The following ARHGEF10 variants were observed in gnomAD, a reference collection of about 807,000 sequenced individuals.
ARHGEF10 encodes the protein Rho guanine nucleotide exchange factor 10, also known as Rho guanine nucleotide exchange factor (GEF) 10.
A neutral mutation model predicts 147.4 loss-of-function variants in ARHGEF10; 140 were observed. That is an observed-to-expected ratio of 0.95 (90% CI 0.83 to 1.09). The LOEUF (loss-of-function observed/expected upper bound fraction) is 1.09. Among genes scored for constraint, ARHGEF10 ranks in the 50% least tolerant of loss-of-function variants. The pLI, the probability that ARHGEF10 is intolerant of heterozygous loss-of-function variation, is 0.00. For synonymous variants in ARHGEF10, 902 were observed against 695.8 expected (o/e 1.30, Z -4.67); for missense variants, 2,222 against 1,752.7 (o/e 1.27, Z -4.78).
intron 11 of ARHGEF10, among the ~76,000 whole-genome samples, chr8:1,887,442 G>A (rs36058931): frequency 0.13 from 18,813 of 147,242 alleles, 1,584 homozygotes; most frequent in South Asian, 0.29. Flanking sequence ...GGGTCTGTGA[G>A]GAGATACTGA....
intron 14 of ARHGEF10, among the ~76,000 whole-genome samples, chr8:1,897,274 A>G (rs1303110370): frequency 6.6e-6 from 1 of 152,258 alleles, no homozygotes; most frequent in African/African-American, 2.4e-5. Context: ...CTTATCCAGC[A>G]CGGCGGCTCC....
At position 1,876,565 on chromosome 8, in the gene ARHGEF10, A is replaced by T. The variant is rs1363097156; in HGVS notation, c.680-6A>T. ...TTTAATTTCATTTTGGAATTTATGC[A>T]CTCAGATGAAATGATTTATGATGAT... On this transcript the variant is annotated splice_polypyrimidine_tract_variant and splice_region_variant and intron_variant, in intron 7 of 28. Coordinates refer to ENST00000349830, the MANE Select transcript of ARHGEF10 (RefSeq NM_014629.4). 1.2e-6 allele frequency: 2 copies of T among 1,613,814 alleles called. No homozygotes were observed. Among genetic ancestry groups the T allele is most frequent in the South Asian group, 2.2e-5 (2 of 91,084 alleles).
intron 26 of ARHGEF10, chr8:1,943,682 A>G (rs1476614859): frequency 6.6e-6 from 1 of 152,236 alleles, no homozygotes; most frequent in Non-Finnish European, 1.5e-5. Context: ...GAACCAAGTC[A>G]CAAGTCAGTG....
At chr8:1,945,789 T>G in intron 27 of ARHGEF10, 134 bp downstream of exon 27, 2 of 1,350,554 alleles carry the variant, frequency 1.5e-6, no homozygotes, top group Non-Finnish European at 2.1e-6. Flanking sequence ...GGTAATGGGG[T>G]GGGACAAGGC....
In ARHGEF10 at chr8:1,903,424, A is replaced by G; in HGVS notation, c.1794A>G (p.Lys598=). The G allele has an allele frequency of 6.2e-7, 1 of 1,614,238 alleles. No homozygotes were observed. The highest frequency in any genetic ancestry group is 8.5e-7 in the Non-Finnish European group (1 of 1,180,046). The change falls in exon 16 of 29, where the codon AAA becomes AAG. Residue 598 remains lysine (K), a synonymous_variant. Transcript: ENST00000349830. ...GCTGTGAAGTGAAGCAAATAGCCAAAGCCATAAACGAAAGATACCTGAACA... is the reference window on the plus strand; with the variant it reads ...GCTGTGAAGTGAAGCAAATAGCCAAGGCCATAAACGAAAGATACCTGAACA... ...DQRCEVKQIA[K]AINERYLNKL...
chr8:1,862,643 C>T (rs1044408604), intron 4 of ARHGEF10, among the ~76,000 whole-genome samples: 3 of 152,208 alleles, frequency 2.0e-5, no homozygotes, highest in Non-Finnish European at 4.4e-5. Context: ...TCCTGGACAC[C>T]CCCGTGGGGG....
intron 26 of ARHGEF10, among the ~76,000 whole-genome samples, chr8:1,936,483 C>T (rs1339933032): frequency 6.6e-6 from 1 of 152,122 alleles, no homozygotes; most frequent in Non-Finnish European, 1.5e-5. Flanking sequence ...ATACTCCAGC[C>T]TGGGCAACAG....
At chr8:1,923,947 C>A in intron 21 of ARHGEF10, 73 bp downstream of exon 21, 3 of 1,429,508 alleles carry the variant, frequency 2.1e-6, no homozygotes, top group Non-Finnish European at 2.9e-6. Flanking sequence ...AGGGTGAGGT[C>A]AGGGTTGAGA....
intron 23 of ARHGEF10, chr8:1,926,861 T>C: frequency 3.2e-6 from 1 of 310,626 alleles, no homozygotes; most frequent in South Asian, 2.8e-5. Flanking sequence ...AATGAAATAT[T>C]GCATCTGAAA....
intron 11 of ARHGEF10, among the ~76,000 whole-genome samples, chr8:1,893,210 T>C (rs1343740483): frequency 6.6e-6 from 1 of 152,108 alleles, no homozygotes; most frequent in East Asian, 1.9e-4. Context: ...AGACTGGAAC[T>C]ATTTTTTATC....
chr8:1,949,806 T>C (rs1229278168), intron 27 of ARHGEF10, among the ~76,000 whole-genome samples: 1 of 152,148 alleles, frequency 6.6e-6, no homozygotes, highest in African/African-American at 2.4e-5. Flanking sequence ...CCTTTCTCGG[T>C]GGCCGGTGTG....
chr8:1,835,155 C>G (rs1389523696), intron 1 of ARHGEF10, among the ~76,000 whole-genome samples: 1 of 152,248 alleles, frequency 6.6e-6, no homozygotes, highest in Non-Finnish European at 1.5e-5. Flanking sequence ...GCCTGCCGCC[C>G]CCACCTTTGC....
At chr8:1,907,520 C>T (rs572678509) in intron 17 of ARHGEF10, among the ~76,000 whole-genome samples, 1 of 152,360 alleles carries the variant, frequency 6.6e-6, no homozygotes, top group African/African-American at 2.4e-5. Context: ...TTGTCTGACA[C>T]TGACTGCTGC....
chr8:1,928,786 A>G, intron 24 of ARHGEF10, 136 bp downstream of exon 24: 2 of 930,818 alleles, frequency 2.1e-6, no homozygotes, highest in Non-Finnish European at 3.4e-6. Context: ...TACCAGGGGA[A>G]ATTTTTAGGG....
At chr8:1,853,456 C>T (rs1805302940) in intron 2 of ARHGEF10, among the ~76,000 whole-genome samples, 1 of 152,272 alleles carries the variant, frequency 6.6e-6, no homozygotes, top group Non-Finnish European at 1.5e-5. Context: ...TCCTGAGATG[C>T]TTTCAGCAGC....
chr8:1,855,385 CT>C (rs201739529), intron 2 of ARHGEF10, among the ~76,000 whole-genome samples: 7,904 of 151,866 alleles, frequency 0.052, 262 homozygotes, highest in Non-Finnish European at 0.082. Flanking sequence ...AGAACAGAAA[CT>C]TTTTTTGGGG....
At position 1,948,370 on chromosome 8, in the gene ARHGEF10, T is replaced by C. The variant is rs1284094797; in HGVS notation, c.3397+2715T>C. Reference sequence around the variant, plus strand: ...AAGCAAACACATGAGTCTGTCCAGATGGAGTGCCGTGCTTCTCGTTGGCAG... The same window carrying C: ...AAGCAAACACATGAGTCTGTCCAGACGGAGTGCCGTGCTTCTCGTTGGCAG... On this transcript the variant is annotated intron_variant, in intron 27 of 28. Coordinates refer to ENST00000349830, the MANE Select transcript of ARHGEF10 (RefSeq NM_014629.4). The surrounding 1 kb of genome is among the most constrained non-coding windows in gnomAD (Gnocchi z 4.9). Among the ~76,000 whole-genome samples the C allele has an allele frequency of 1.3e-5, 2 of 152,242 alleles. No homozygotes were observed. The highest frequency in any genetic ancestry group is 4.8e-5 in the African/African-American group (2 of 41,466).
At chr8:1,856,453 A>G (rs1445955127) in intron 2 of ARHGEF10, among the ~76,000 whole-genome samples, 1 of 152,190 alleles carries the variant, frequency 6.6e-6, no homozygotes, top group Non-Finnish European at 1.5e-5. Context: ...TGTTTCCTTC[A>G]AAAGGCACTC....
At position 1,858,123 on chromosome 8, in the gene ARHGEF10, T is replaced by TCCAGGAGGGTCCCCAGGTGAGTCC; in HGVS notation, c.193+14_193+37dup. 4 of 1,435,390 alleles carry TCCAGGAGGGTCCCCAGGTGAGTCC rather than the reference T, an allele frequency of 2.8e-6. No homozygotes were observed. The highest frequency in any genetic ancestry group is 3.7e-6 in the Non-Finnish European group (4 of 1,077,524). The allele number at this position is 1,435,390 out of a possible 1,614,324, so 88.9% of individuals were successfully genotyped here. A position where few individuals can be genotyped will look rare whatever the true frequency, so the allele number is the denominator to read the frequency against. On this transcript the variant is annotated intron_variant, in intron 3 of 28. Transcript: ENST00000349830. Reference sequence around the variant, plus strand: ...AAGCCCCTGCACCCACAGGTGAGTTTCCAGGAGGGTCCCCAGGTGAGTCCC... The same window carrying TCCAGGAGGGTCCCCAGGTGAGTCC: ...AAGCCCCTGCACCCACAGGTGAGTTTCCAGGAGGGTCCCCAGGTGAGTCCCCAGGAGGGTCCCCAGGTGAGTCCC...
Sources: allele counts gnomAD v4.1 joint callset (sites outside exome capture counted in the v4.1 genomes callset), GRCh38; gene constraint gnomAD v4.1.1; non-coding constraint Gnocchi (gnomAD v3.1); transcripts MANE v1.5; gene names NCBI Gene and HGNC (gene_info 2026-07-23, HGNC 2026-07-21).